Variants in LSAMP observed in about 807,000 individuals in gnomAD.
The protein encoded by LSAMP is limbic system-associated membrane protein.
Under a neutral mutation model 38.6 loss-of-function variants are expected in LSAMP, and 7 were observed. The ratio of observed to expected loss-of-function variants is 0.18; its 90% confidence interval spans 0.10 to 0.34. LSAMP has a LOEUF of 0.34. Ranked by LOEUF, LSAMP falls within the 10% of genes least tolerant of loss-of-function variation. LSAMP has a pLI of 1.00. For synonymous variants in LSAMP, 154 were observed against 166.8 expected (o/e 0.92, Z 0.59); for missense variants, 313 against 420.0 (o/e 0.75, Z 2.23).
chr3:115,847,150 A>C (rs985620267), intron 4 of LSAMP, among the ~76,000 whole-genome samples: 3 of 152,214 alleles, frequency 2.0e-5, no homozygotes, highest in Non-Finnish European at 4.4e-5. Flanking sequence ...CCTGGGTTTG[A>C]GTTCCAAGTC....
intron 1 of LSAMP, among the ~76,000 whole-genome samples, chr3:116,250,319 C>T (rs1201085943): frequency 6.6e-6 from 1 of 152,056 alleles, no homozygotes; most frequent in Non-Finnish European, 1.5e-5. Flanking sequence ...GTACCAGGAG[C>T]CTGGGGACTT....
chr3:116,022,153 A>G (rs141004882), intron 2 of LSAMP, among the ~76,000 whole-genome samples: 311 of 152,028 alleles, frequency 2.0e-3, no homozygotes, highest in African/African-American at 7.4e-3. Context: ...TTTATTTTGT[A>G]CTAGCTTCCT....
intron 3 of LSAMP, among the ~76,000 whole-genome samples, chr3:115,919,347 G>C (rs1268991321): frequency 6.6e-6 from 1 of 152,142 alleles, no homozygotes; most frequent in East Asian, 1.9e-4. Flanking sequence ...TTAATAACTA[G>C]ATAGCTTCTC....
intron 2 of LSAMP, among the ~76,000 whole-genome samples, chr3:116,081,341 C>T (rs545276487): frequency 6.6e-6 from 1 of 151,854 alleles, no homozygotes; most frequent in Non-Finnish European, 1.5e-5. Context: ...GTAGTCCCAG[C>T]TACTTGGGAG....
chr3:116,413,413 T>C (rs1559859562), intron 1 of LSAMP, among the ~76,000 whole-genome samples: 1 of 152,082 alleles, frequency 6.6e-6, no homozygotes, highest in Non-Finnish European at 1.5e-5. Flanking sequence ...TTAAGCACTG[T>C]CCTAGTCTTT....
rs768909394 is a variant in LSAMP, at chr3:116,086,326, T to G, written c.386A>C (p.Gln129Pro). 6.2e-7 allele frequency: 1 copy of G among 1,613,472 alleles called. No individual in the cohort carries two copies. Among genetic ancestry groups the G allele is most frequent in the Non-Finnish European group, 8.5e-7 (1 of 1,179,528 alleles). ...PKTSQVYLIV[Q>P]VPPKISNISS... ...CTTCTATCCCACACTTTCCTTACCT[T>G]GTACGATCAAGTAAACTTGGGAGGT... The change falls in exon 2 of 7, where the codon CAA (glutamine) becomes CCA (proline). Residue 129 changes from glutamine (Q) to proline (P), a missense_variant and splice_region_variant. Physicochemically the swap from Gln to Pro is moderately conservative, Grantham distance 76. Coordinates refer to ENST00000490035, the MANE Select transcript of LSAMP (RefSeq NM_002338.5).
chr3:115,866,706 C>T (rs545646245), intron 3 of LSAMP, among the ~76,000 whole-genome samples: 6 of 152,146 alleles, frequency 3.9e-5, no homozygotes, highest in African/African-American at 1.4e-4. Flanking sequence ...AAGTTACATT[C>T]AAATGACATG....
intron 1 of LSAMP, among the ~76,000 whole-genome samples, chr3:116,424,898 T>C (rs2049174528): frequency 6.6e-6 from 1 of 152,008 alleles, no homozygotes; most frequent in Non-Finnish European, 1.5e-5. Context: ...TTCAACTAGA[T>C]TAAATACTGT....
At chr3:116,437,765 A>T (rs1795282) in intron 1 of LSAMP, among the ~76,000 whole-genome samples, 1 of 152,138 alleles carries the variant, frequency 6.6e-6, no homozygotes. Flanking sequence ...ATTTCATCAG[A>T]TAAAATGAAA....
intron 1 of LSAMP, among the ~76,000 whole-genome samples, chr3:116,223,708 T>C (rs2046313884): frequency 6.6e-6 from 1 of 152,210 alleles, no homozygotes; most frequent in African/African-American, 2.4e-5. Flanking sequence ...GACACTATAG[T>C]ACATTTGTTT....
chr3:116,225,025 A>C (rs1376563227), intron 1 of LSAMP, among the ~76,000 whole-genome samples: 2 of 152,358 alleles, frequency 1.3e-5, no homozygotes, highest in South Asian at 2.1e-4. Context: ...GAATTTGACA[A>C]GAATGTCAGC....
chr3:116,009,552 T>C (rs1940264219), intron 3 of LSAMP, among the ~76,000 whole-genome samples: 1 of 152,218 alleles, frequency 6.6e-6, no homozygotes, highest in Non-Finnish European at 1.5e-5. Flanking sequence ...GGAATCTGTA[T>C]TGTTCAATAC....
chr3:116,211,847 C>T (rs2046160319), intron 1 of LSAMP, among the ~76,000 whole-genome samples: 1 of 152,124 alleles, frequency 6.6e-6, no homozygotes, highest in African/African-American at 2.4e-5. Context: ...TGCCATCTTC[C>T]AGCCCTTAGT....
At chr3:116,132,981 T>C (rs1460478102) in intron 1 of LSAMP, among the ~76,000 whole-genome samples, 2 of 152,210 alleles carry the variant, frequency 1.3e-5, no homozygotes, top group African/African-American at 4.8e-5. Flanking sequence ...CAAAATAGAA[T>C]GAGATCTTGG....
chr3:116,231,347 G>T (rs145231149), intron 1 of LSAMP, among the ~76,000 whole-genome samples: 1 of 152,168 alleles, frequency 6.6e-6, no homozygotes, highest in East Asian at 1.9e-4. Flanking sequence ...AAGGCCCAGT[G>T]AGAGCCAGGT....
chr3:116,309,987 C>T (rs1469937748), intron 1 of LSAMP, among the ~76,000 whole-genome samples: 2 of 152,166 alleles, frequency 1.3e-5, no homozygotes, highest in Admixed American at 6.5e-5. Context: ...TCCAAACTCA[C>T]ACTTGATCTG....
At chr3:115,957,402 C>G (rs1408956219) in intron 3 of LSAMP, among the ~76,000 whole-genome samples, 2 of 152,116 alleles carry the variant, frequency 1.3e-5, no homozygotes, top group Non-Finnish European at 2.9e-5. Context: ...TCAATACTGT[C>G]CTTGCCCCAA....
intron 2 of LSAMP, among the ~76,000 whole-genome samples, chr3:116,040,077 A>G (rs1167746343): frequency 2.0e-5 from 3 of 152,194 alleles, no homozygotes; most frequent in Non-Finnish European, 4.4e-5. Context: ...GCTGAAGCAC[A>G]GTGCACAGTA....
At chr3:116,144,625 T>C (rs1476102892) in intron 1 of LSAMP, among the ~76,000 whole-genome samples, 1 of 151,250 alleles carries the variant, frequency 6.6e-6, no homozygotes, top group Non-Finnish European at 1.5e-5. Context: ...AATTTTCCAC[T>C]ATGTTTATAT....
Sources: allele counts gnomAD v4.1 joint callset (sites outside exome capture counted in the v4.1 genomes callset), GRCh38; gene constraint gnomAD v4.1.1; transcripts MANE v1.5; gene names NCBI Gene and HGNC (gene_info 2026-07-23, HGNC 2026-07-21).